The following GNPAT variants were observed in gnomAD, a reference collection of about 807,000 sequenced individuals.
GNPAT encodes the protein glyceronephosphate O-acyltransferase.
Under a neutral mutation model 78.4 loss-of-function variants are expected in GNPAT, and 30 were observed. That is an observed-to-expected ratio of 0.38 (90% CI 0.29 to 0.52). The LOEUF (loss-of-function observed/expected upper bound fraction) is 0.52, where lower values mean the gene tolerates loss of function less well. GNPAT is among the 20% of genes least tolerant of loss of function. The pLI is 0.84. For synonymous variants in GNPAT, 271 were observed against 281.1 expected (o/e 0.96, Z 0.36); for missense variants, 714 against 812.2 (o/e 0.88, Z 1.47).
chr1:231,264,654 G>A (rs140825274), intron 4 of GNPAT, among the ~76,000 whole-genome samples: 2 of 152,308 alleles, frequency 1.3e-5, no homozygotes, highest in Non-Finnish European at 2.9e-5. Context: ...TTTTAAAACT[G>A]CTGGTAGCAA....
intron 2 of GNPAT, among the ~76,000 whole-genome samples, chr1:231,257,249 G>C (rs1685091756): frequency 1.3e-5 from 2 of 152,126 alleles, no homozygotes; most frequent in Non-Finnish European, 2.9e-5. Flanking sequence ...GGCTCAAGAT[G>C]GCATGATGAT....
At position 231,267,671 on chromosome 1, in the gene GNPAT, T is replaced by A. The variant is rs1395874523; in HGVS notation, c.1056-9T>A. The A allele has an allele frequency of 1.4e-6, 2 of 1,481,426 alleles. No individual in the cohort carries two copies. Among genetic ancestry groups the A allele is most frequent in the Non-Finnish European group, 1.9e-6 (2 of 1,058,958 alleles). The allele number at this position is 1,481,426 out of a possible 1,614,324, so 91.8% of individuals were successfully genotyped here. ...ACTGTAATTTGTTGCTCTGTGCTCT[T>A]CCTTTTAGATACATTCCTCAGAAAC... is the stretch of plus-strand genomic sequence containing the variant. On this transcript the variant is annotated splice_polypyrimidine_tract_variant and intron_variant, in intron 8 of 15. Coordinates refer to ENST00000366647, the MANE Select transcript of GNPAT (RefSeq NM_014236.4).
In GNPAT at chr1:231,266,391, T is replaced by C; in HGVS notation, c.1039T>C (p.Tyr347His). The change falls in exon 8 of 16, where the codon TAT becomes CAT. Residue 347 changes from tyrosine (Y) to histidine (H), a missense_variant. Coordinates refer to ENST00000366647, the MANE Select transcript of GNPAT (RefSeq NM_014236.4). The stretch of plus-strand genomic sequence containing the variant: ...AGCTGGGAGGATGAGTCGGAGCTCA[T>C]ATAACTTGGTTCCAAGGTGTGACCT... ...LAAGRMSRSS[Y>H]NLVPRYIPQK... 1 of 1,614,018 alleles carries C rather than the reference T, an allele frequency of 6.2e-7. No homozygotes were observed. Among genetic ancestry groups the C allele is most frequent in the South Asian group, 1.1e-5 (1 of 91,078 alleles).
chr1:231,268,944 G>A (rs188841062), intron 9 of GNPAT, among the ~76,000 whole-genome samples: 5 of 151,732 alleles, frequency 3.3e-5, no homozygotes, highest in African/African-American at 9.7e-5. Flanking sequence ...AGTTGGAAAT[G>A]CGTTTTTTTT....
intron 2 of GNPAT, among the ~76,000 whole-genome samples, chr1:231,256,271 T>C (rs551686963): frequency 4.9e-4 from 74 of 152,116 alleles, no homozygotes; most frequent in Non-Finnish European, 8.5e-4. Flanking sequence ...AAATTCAAGA[T>C]GTATAAGTCA....
chr1:231,241,802 T>C (rs1287942836), intron 1 of GNPAT, among the ~76,000 whole-genome samples: 1 of 152,186 alleles, frequency 6.6e-6, no homozygotes, highest in Non-Finnish European at 1.5e-5. Flanking sequence ...CATGTCGAGC[T>C]ACCTTTTGGG....
Position 231,266,417 on chromosome 1 carries a change from G to C in GNPAT, c.1055+10G>C. The C allele has an allele frequency of 6.2e-7, 1 of 1,612,044 alleles. No individual in the cohort carries two copies. The highest frequency in any genetic ancestry group is 8.5e-7 in the Non-Finnish European group (1 of 1,178,104). ...ATAACTTGGTTCCAAGGTGTGACCT[G>C]TGTTTTAATAACTGTCTTAGAAATG... On this transcript the variant is annotated intron_variant, in intron 8 of 15. Coordinates refer to ENST00000366647, the MANE Select transcript of GNPAT (RefSeq NM_014236.4).
rs849714 is a variant in GNPAT, at chr1:231,265,159, A to G, written c.569-134A>G. On this transcript the variant is annotated intron_variant, in intron 4 of 15. Coordinates refer to ENST00000366647, the MANE Select transcript of GNPAT (RefSeq NM_014236.4). ...CTTGAGGCCAGGAAGTTTGTGACCAACCTAGCCAACATAGCGAGACCCTGT... is the reference window on the plus strand; with the variant it reads ...CTTGAGGCCAGGAAGTTTGTGACCAGCCTAGCCAACATAGCGAGACCCTGT... The G allele has an allele frequency of 0.57, 412,994 of 730,072 alleles. 118,362 individuals are homozygous for G. Among genetic ancestry groups the G allele is most frequent in the African/African-American group, 0.65 (36,716 of 56,444 alleles). 45.2% of individuals were successfully genotyped at this position (730,072 alleles called of 1,614,324 possible).
rs114215610 is a variant in GNPAT at position 231,260,263 on chromosome 1, T to A, written c.262-244T>A. Among the ~76,000 whole-genome samples the A allele has an allele frequency of 8.2e-3, 1,251 of 152,296 alleles. 12 individuals are homozygous for A. Among genetic ancestry groups the A allele is most frequent in the Non-Finnish European group, 0.012 (785 of 68,026 alleles). ...ACAAACCAAATGGAAAGGTGAAGTGTTTTCTTCACTCTAAAATGCTATCCT... is the reference window on the plus strand; with the variant it reads ...ACAAACCAAATGGAAAGGTGAAGTGATTTCTTCACTCTAAAATGCTATCCT... On this transcript the variant is annotated intron_variant, in intron 2 of 15. Coordinates refer to ENST00000366647, the MANE Select transcript of GNPAT (RefSeq NM_014236.4).
At chr1:231,273,012 A>G (rs1310630504) in intron 11 of GNPAT, among the ~76,000 whole-genome samples, 2 of 151,966 alleles carry the variant, frequency 1.3e-5, no homozygotes, top group African/African-American at 2.4e-5. Flanking sequence ...ATCAGCACAC[A>G]TTTTCCTGTT....
intron 9 of GNPAT, 92 bp from the exon 10 acceptor site, chr1:231,270,666 T>C: frequency 8.2e-7 from 1 of 1,214,114 alleles, no homozygotes; most frequent in South Asian, 1.2e-5. Context: ...AATGAGCATC[T>C]GTCACGTTAC....
intron 12 of GNPAT, 110 bp from the exon 13 acceptor site, chr1:231,275,111 T>G: frequency 1.3e-6 from 1 of 746,156 alleles, no homozygotes; most frequent in Admixed American, 2.0e-5. Context: ...GCTGCTCTCT[T>G]GTGATATATC....
At chr1:231,248,938 C>T (rs1392864767) in intron 1 of GNPAT, among the ~76,000 whole-genome samples, 1 of 152,176 alleles carries the variant, frequency 6.6e-6, no homozygotes, top group African/African-American at 2.4e-5. Context: ...TAAACACACT[C>T]TGTGATGTTT....
At position 231,260,588 on chromosome 1, in the gene GNPAT, C is replaced by A; in HGVS notation, c.343C>A (p.Arg115Ser). ...CTTAGATGAAATGAGTCACAAACTGCGTCTTGGAGCCATTCGGTTTTGTGC... is the reference window on the plus strand; with the variant it reads ...CTTAGATGAAATGAGTCACAAACTGAGTCTTGGAGCCATTCGGTTTTGTGC... ...EILDEMSHKL[R>S]LGAIRFCAFT... is the part of the protein sequence containing the mutation. Residue 115 changes from arginine to serine, a missense_variant, in exon 3 of 16, where the codon CGT becomes AGT. By Grantham distance (110) the Arg-to-Ser change is moderately radical (BLOSUM62 -1). Coordinates refer to ENST00000366647, the MANE Select transcript of GNPAT (RefSeq NM_014236.4). 1 of 1,610,154 alleles carries A rather than the reference C, an allele frequency of 6.2e-7. No individual in the cohort carries two copies. Among genetic ancestry groups the A allele is most frequent in the Non-Finnish European group, 8.5e-7 (1 of 1,176,560 alleles).
At chr1:231,264,928 C>A (rs542321) in intron 4 of GNPAT, among the ~76,000 whole-genome samples, 1 of 152,108 alleles carries the variant, frequency 6.6e-6, no homozygotes, top group Admixed American at 6.5e-5. Context: ...ACAAGGTAAC[C>A]TCCCAGTGAG....
Position 231,260,552 on chromosome 1 carries a change from G to T in GNPAT, c.307G>T (p.Val103Leu). ...LQSVDVLREE[V>L]SEILDEMSHK... Reference sequence around the variant, plus strand: ...ATCTGTGGATGTCCTCCGAGAGGAAGTGAGTGAGATCTTAGATGAAATGAG... The same window carrying T: ...ATCTGTGGATGTCCTCCGAGAGGAATTGAGTGAGATCTTAGATGAAATGAG... The change falls in exon 3 of 16, where the codon GTG becomes TTG. Residue 103 changes from valine (V) to leucine (L), a missense_variant. Coordinates refer to ENST00000366647, the MANE Select transcript of GNPAT (RefSeq NM_014236.4). 2 of 1,611,722 alleles carry T rather than the reference G, an allele frequency of 1.2e-6. No individual in the cohort carries two copies. Among genetic ancestry groups the T allele is most frequent in the Non-Finnish European group, 1.7e-6 (2 of 1,177,838 alleles).
At chr1:231,257,311 C>G (rs1027416423) in intron 2 of GNPAT, among the ~76,000 whole-genome samples, 1 of 152,186 alleles carries the variant, frequency 6.6e-6, no homozygotes, top group Admixed American at 6.5e-5. Flanking sequence ...CCTCGTTTCC[C>G]TCTTTCCCTA....
Position 231,277,576 on chromosome 1 carries a change from G to A in GNPAT, c.*34G>A, listed in dbSNP as rs759638860. 16 of 1,310,476 alleles carry A rather than the reference G, an allele frequency of 1.2e-5. No individual in the cohort carries two copies. The highest frequency in any genetic ancestry group is 4.6e-5 in the East Asian group (2 of 43,516). The allele number at this position is 1,310,476 out of a possible 1,614,324, so 81.2% of individuals were successfully genotyped here. On this transcript the variant is annotated 3_prime_UTR_variant, in exon 16 of 16. Transcript: ENST00000366647. ...AAATAGTTATGGAAAATTCGGTCAC[G>A]TAATTACTCTCATCGAAGGACTCAT...
chr1:231,275,174 T>C, intron 12 of GNPAT, 47 bp from the exon 13 acceptor site: 2 of 1,098,980 alleles, frequency 1.8e-6, no homozygotes, highest in Non-Finnish European at 2.8e-6. Context: ...TGAACTTGGC[T>C]ATCCTTTTTC....
Sources: allele counts gnomAD v4.1 joint callset (sites outside exome capture counted in the v4.1 genomes callset), GRCh38; gene constraint gnomAD v4.1.1; transcripts MANE v1.5; gene names NCBI Gene and HGNC (gene_info 2026-07-23, HGNC 2026-07-21).